Variants in TBC1D5 observed in about 807,000 individuals in gnomAD.
The protein encoded by TBC1D5 is TBC1 domain family member 5, also known as TBC1 domain family, member 5.
Under a neutral mutation model 100.3 loss-of-function variants are expected in TBC1D5, and 75 were observed. That is an observed-to-expected ratio of 0.75 (90% CI 0.62 to 0.91). The LOEUF is 0.91. Ranked by LOEUF, TBC1D5 falls within the 40% of genes least tolerant of loss-of-function variation. TBC1D5 has a pLI of 0.00. For missense variants in TBC1D5, 910 were observed against 942.4 expected (o/e 0.97, Z 0.45); for synonymous variants, 323 against 325.6 (o/e 0.99, Z 0.09).
At chr3:17,166,820 C>G (rs1256555991) in exon 21 of TBC1D5, 1 of 1,614,056 alleles carries the variant, frequency 6.2e-7, no homozygotes, top group East Asian at 2.2e-5. Context: ...CGGCCCTGGC[C>G]CTGGCCGCTG....
chr3:17,277,136 A>G (rs963749818), intron 15 of TBC1D5, among the ~76,000 whole-genome samples: 1 of 152,232 alleles, frequency 6.6e-6, no homozygotes, highest in East Asian at 1.9e-4. Flanking sequence ...CAATTAAAGG[A>G]AACGATCATT....
At chr3:17,372,861 C>T (rs1292287123) in intron 12 of TBC1D5, among the ~76,000 whole-genome samples, 1 of 152,136 alleles carries the variant, frequency 6.6e-6, no homozygotes, top group East Asian at 1.9e-4. Context: ...TAGAATATAA[C>T]ATATTGGTAT....
At chr3:17,273,652 C>T (rs1449819926) in intron 15 of TBC1D5, among the ~76,000 whole-genome samples, 1 of 151,860 alleles carries the variant, frequency 6.6e-6, no homozygotes, top group African/African-American at 2.4e-5. Flanking sequence ...ACTAAAAACA[C>T]AAAAATTAGC....
Position 17,255,848 on chromosome 3 carries a change from C to T in TBC1D5, c.1331+2658G>A, listed in dbSNP as rs141040001. Among the ~76,000 whole-genome samples, 260 of 152,184 alleles carry T rather than the reference C, an allele frequency of 1.7e-3. 1 individual carries two copies. Among genetic ancestry groups the T allele is most frequent in the African/African-American group, 5.8e-3 (243 of 41,540 alleles). The stretch of plus-strand genomic sequence containing the variant: ...GGTCAGGAGATTGAGACCATCTTGG[C>T]TAACACGGTGAAACCCCGTCTACTA... On this transcript the variant is annotated intron_variant, in intron 16 of 21. Transcript: ENST00000253692.
intron 1 of TBC1D5, among the ~76,000 whole-genome samples, chr3:17,695,556 A>AATAT (rs1265859619): frequency 6.6e-6 from 1 of 152,210 alleles, no homozygotes; most frequent in Non-Finnish European, 1.5e-5. Context: ...AACTATCCTA[A>AATAT]ATATATATAC....
intron 18 of TBC1D5, among the ~76,000 whole-genome samples, chr3:17,205,135 A>G (rs1364478918): frequency 6.6e-6 from 1 of 152,232 alleles, no homozygotes; most frequent in East Asian, 1.9e-4. Context: ...ATTCATTTCA[A>G]TAAACTATAC....
intron 2 of TBC1D5, among the ~76,000 whole-genome samples, chr3:17,513,351 C>G (rs1042303740): frequency 2.0e-5 from 3 of 151,602 alleles, no homozygotes; most frequent in Non-Finnish European, 4.4e-5. Context: ...AAAAATCAAT[C>G]AATCAATATG....
intron 19 of TBC1D5, among the ~76,000 whole-genome samples, chr3:17,172,404 T>G (rs1399275740): frequency 6.6e-6 from 1 of 152,228 alleles, no homozygotes; most frequent in African/African-American, 2.4e-5. Context: ...ACAAACGTAA[T>G]GATGTCTTTC....
upstream of TBC1D5, chr3:17,741,046 G>C (rs2154008323): frequency 6.6e-6 from 1 of 152,228 alleles, no homozygotes; most frequent in African/African-American, 2.4e-5. Flanking sequence ...ACACCCGGGG[G>C]TGAGTTATTA....
chr3:17,334,766 T>C (rs1041841103), intron 13 of TBC1D5, among the ~76,000 whole-genome samples: 4 of 152,212 alleles, frequency 2.6e-5, no homozygotes, highest in Admixed American at 2.0e-4. Context: ...ACTTTAGATA[T>C]AATTTCTGGA....
chr3:17,560,875 T>C (rs902592210), intron 2 of TBC1D5, among the ~76,000 whole-genome samples: 5 of 150,798 alleles, frequency 3.3e-5, no homozygotes, highest in Non-Finnish European at 7.4e-5. Flanking sequence ...GAGCAGAGAT[T>C]ACACCACTGC....
chr3:17,683,534 A>AT (rs566295518), intron 1 of TBC1D5, among the ~76,000 whole-genome samples: 5 of 146,712 alleles, frequency 3.4e-5, no homozygotes, highest in African/African-American at 1.4e-4. Context: ...CAAAACGAAT[A>AT]TACTTTGCAA....
chr3:17,482,980 T>A (rs2150354478), intron 3 of TBC1D5, among the ~76,000 whole-genome samples: 1 of 152,312 alleles, frequency 6.6e-6, no homozygotes, highest in African/African-American at 2.4e-5. Flanking sequence ...AGTGGCAGCC[T>A]AAGCACAGGC....
intron 19 of TBC1D5, among the ~76,000 whole-genome samples, chr3:17,173,012 G>A (rs1332831204): frequency 6.6e-6 from 1 of 152,118 alleles, no homozygotes; most frequent in African/African-American, 2.4e-5. Context: ...AAGAAACAGG[G>A]AGACAGCACA....
chr3:17,687,055 G>GTA (rs2070390725), intron 1 of TBC1D5, among the ~76,000 whole-genome samples: 1 of 152,080 alleles, frequency 6.6e-6, no homozygotes, highest in Non-Finnish European at 1.5e-5. Flanking sequence ...TAAAAAAAGT[G>GTA]TATCCTTGGG....
intron 13 of TBC1D5, among the ~76,000 whole-genome samples, chr3:17,362,485 T>C (rs997584169): frequency 1.0e-4 from 15 of 149,400 alleles, no homozygotes; most frequent in Non-Finnish European, 2.2e-4. Flanking sequence ...TAGACTGACT[T>C]TTTTTTTTTT....
intron 18 of TBC1D5, among the ~76,000 whole-genome samples, chr3:17,188,908 C>T (rs553429124): frequency 6.6e-6 from 1 of 152,330 alleles, no homozygotes; most frequent in African/African-American, 2.4e-5. Flanking sequence ...TTATGTGTAA[C>T]TAAGACACTG....
At position 17,642,581 on chromosome 3, in the gene TBC1D5, G is replaced by A. The variant is rs562552136; in HGVS notation, c.-100-18668C>T. On this transcript the variant is annotated intron_variant, in intron 1 of 21. Transcript: ENST00000253692. ...TCCACATACTCGTCAACTAACTACAGTGGAGGCCAATTAACATCTCTTTAG... is the reference window on the plus strand; with the variant it reads ...TCCACATACTCGTCAACTAACTACAATGGAGGCCAATTAACATCTCTTTAG... Among the ~76,000 whole-genome samples, 136 of 152,184 alleles carry A rather than the reference G, an allele frequency of 8.9e-4. 1 individual carries two copies. The highest frequency in any genetic ancestry group is 3.0e-3 in the African/African-American group (126 of 41,526).
chr3:17,595,765 T>A (rs2060522239), intron 2 of TBC1D5, among the ~76,000 whole-genome samples: 1 of 152,162 alleles, frequency 6.6e-6, no homozygotes, highest in African/African-American at 2.4e-5. Flanking sequence ...CACTAAAAAG[T>A]AGGACGGCAT....
Sources: gnomAD v4.1 joint callset for allele counts (sites outside exome capture counted in the v4.1 genomes callset) on GRCh38, gnomAD v4.1.1 for gene constraint, MANE v1.5 for transcripts, NCBI Gene and HGNC (gene_info 2026-07-23, HGNC 2026-07-21) for gene names.